Variants in DRC11 observed in about 807,000 individuals in gnomAD.
DRC11 encodes the protein IQ and AAA domain-containing protein 1.
chr2:236,391,285 T>C, the DRC11 span: 1 of 152,188 alleles, frequency 6.6e-6, no homozygotes, highest in Admixed American at 6.5e-5. The surrounding 1 kb of genome is among the most constrained non-coding windows in gnomAD (Gnocchi z 4.5). Context: ...TGCAGCTGAA[T>C]GTGTGGAAAC....
At chr2:236,408,923 GCCAA>G in the DRC11 span, 1 of 672,866 alleles carries the variant, frequency 1.5e-6, no homozygotes, top group Non-Finnish European at 2.8e-6. This position sits in a 1 kb window ranked among gnomAD's most constrained non-coding sequence, Gnocchi z 5.5. Context: ...TGTGGGTCAT[GCCAA>G]CCTTGTATCC....
the DRC11 span, among the ~76,000 whole-genome samples, chr2:236,404,342 C>T: frequency 2.0e-5 from 3 of 152,064 alleles, no homozygotes; most frequent in African/African-American, 7.2e-5. Flanking sequence ...AGACTGAAGG[C>T]CATAGATTCA....
chr2:236,387,560 G>A, the DRC11 span, among the ~76,000 whole-genome samples: 1 of 152,116 alleles, frequency 6.6e-6, no homozygotes, highest in Admixed American at 6.5e-5. Flanking sequence ...GTGTGTCTCT[G>A]CATGTGAGAT....
the DRC11 span, chr2:236,507,168 A>T: frequency 7.1e-7 from 1 of 1,411,570 alleles, no homozygotes; most frequent in Non-Finnish European, 1.0e-6. Flanking sequence ...AAAAGAAAAG[A>T]AAAAAGAAAA....
the DRC11 span, chr2:236,465,426 G>A: frequency 8.4e-7 from 1 of 1,194,898 alleles, no homozygotes; most frequent in Non-Finnish European, 1.2e-6. The surrounding 1 kb of genome is among the most constrained non-coding windows in gnomAD (Gnocchi z 6.2). Context: ...ATATCAATAT[G>A]CTTCTGTGCT....
chr2:236,392,257 T>C, the DRC11 span: 1 of 1,588,630 alleles, frequency 6.3e-7, no homozygotes, highest in Non-Finnish European at 8.6e-7. The surrounding 1 kb of genome is among the most constrained non-coding windows in gnomAD (Gnocchi z 5.1). Context: ...TATCCTGATC[T>C]CTGACTGTAA....
the DRC11 span, among the ~76,000 whole-genome samples, chr2:236,457,199 A>C: frequency 6.6e-6 from 1 of 152,246 alleles, no homozygotes; most frequent in Non-Finnish European, 1.5e-5. The surrounding 1 kb of genome is among the most constrained non-coding windows in gnomAD (Gnocchi z 4.7). Flanking sequence ...TGCTTTGTCC[A>C]ATATGGGAGC....
chr2:236,313,243 A>G, the DRC11 span, among the ~76,000 whole-genome samples: 2 of 152,204 alleles, frequency 1.3e-5, no homozygotes, highest in Non-Finnish European at 2.9e-5. This position sits in a 1 kb window ranked among gnomAD's most constrained non-coding sequence, Gnocchi z 4.5. Context: ...TTAAGAACAT[A>G]GATGCAAATA....
the DRC11 span, among the ~76,000 whole-genome samples, chr2:236,424,202 A>G: frequency 6.6e-6 from 1 of 152,202 alleles, no homozygotes; most frequent in South Asian, 2.1e-4. Context: ...AAAGTGTAAA[A>G]AAAAACTTTC....
At chr2:236,463,613 T>C in the DRC11 span, among the ~76,000 whole-genome samples, 41 of 152,208 alleles carry the variant, frequency 2.7e-4, no homozygotes, top group African/African-American at 9.2e-4. This position sits in a 1 kb window ranked among gnomAD's most constrained non-coding sequence, Gnocchi z 5.0. Flanking sequence ...ATTGAGGAGA[T>C]AGTGTATTAG....
chr2:236,389,325 G>C, the DRC11 span, among the ~76,000 whole-genome samples: 6 of 152,336 alleles, frequency 3.9e-5, no homozygotes, highest in Non-Finnish European at 7.3e-5. Context: ...CTCCATGGGC[G>C]TAGGACCCTC....
the DRC11 span, among the ~76,000 whole-genome samples, chr2:236,431,365 T>C: frequency 6.6e-6 from 1 of 152,190 alleles, no homozygotes; most frequent in Admixed American, 6.5e-5. The surrounding 1 kb of genome is among the most constrained non-coding windows in gnomAD (Gnocchi z 4.2). Context: ...CACGTCCTTC[T>C]TCACATGGCA....
chr2:236,480,022 GTT>G, the DRC11 span, among the ~76,000 whole-genome samples: 252 of 135,394 alleles, frequency 1.9e-3, no homozygotes, highest in African/African-American at 6.5e-3. Context: ...TGGTTGACAG[GTT>G]TTTTTTTTTT....
the DRC11 span, among the ~76,000 whole-genome samples, chr2:236,353,956 C>T: frequency 1.3e-5 from 2 of 152,132 alleles, no homozygotes; most frequent in African/African-American, 2.4e-5. The surrounding 1 kb of genome is among the most constrained non-coding windows in gnomAD (Gnocchi z 5.0). Flanking sequence ...GTTTCTATTT[C>T]CTTGTAATAC....
chr2:236,367,800 T>TG, the DRC11 span: 2 of 259,336 alleles, frequency 7.7e-6, no homozygotes, highest in East Asian at 2.3e-4. The surrounding 1 kb of genome is among the most constrained non-coding windows in gnomAD (Gnocchi z 4.8). Flanking sequence ...GAAACACACT[T>TG]GCACTGACTC....
chr2:236,343,657 G>A, the DRC11 span: 1 of 1,162,182 alleles, frequency 8.6e-7, no homozygotes, highest in African/African-American at 1.6e-5. This position sits in a 1 kb window ranked among gnomAD's most constrained non-coding sequence, Gnocchi z 6.6. Flanking sequence ...TTAGACGTGG[G>A]ACCTGGTGGA....
the DRC11 span, among the ~76,000 whole-genome samples, chr2:236,443,178 GA>G: frequency 6.6e-6 from 1 of 152,254 alleles, no homozygotes; most frequent in Admixed American, 6.5e-5. The surrounding 1 kb of genome is among the most constrained non-coding windows in gnomAD (Gnocchi z 4.4). Flanking sequence ...AAAGTCGAAG[GA>G]AAAATAATAA....
At chr2:236,357,855 T>C in the DRC11 span, among the ~76,000 whole-genome samples, 1 of 125,018 alleles carries the variant, frequency 8.0e-6, no homozygotes, top group Non-Finnish European at 1.6e-5. Flanking sequence ...AATATATAAA[T>C]ATATACTATA....
the DRC11 span, among the ~76,000 whole-genome samples, chr2:236,402,396 T>C: frequency 4.6e-5 from 7 of 152,262 alleles, no homozygotes; most frequent in African/African-American, 1.7e-4. This position sits in a 1 kb window ranked among gnomAD's most constrained non-coding sequence, Gnocchi z 6.0. Context: ...CTTTGCATTT[T>C]TCAGCTTTGC....
Sources: allele counts gnomAD v4.1 joint callset (sites outside exome capture counted in the v4.1 genomes callset), GRCh38; gene constraint gnomAD v4.1.1; non-coding constraint Gnocchi (gnomAD v3.1); transcripts MANE v1.5; gene names NCBI Gene and HGNC (gene_info 2026-07-23, HGNC 2026-07-21).